The following SLC22A14 variants were observed in gnomAD, a reference collection of about 807,000 sequenced individuals.
The protein encoded by SLC22A14 is organic cation transporter-like 4.
SLC22A14 carries 50 observed loss-of-function variants against 53.9 expected under a neutral mutation model. That is an observed-to-expected ratio of 0.93 (90% CI 0.74 to 1.17). The LOEUF (loss-of-function observed/expected upper bound fraction) is 1.17, where lower values mean the gene tolerates loss of function less well. SLC22A14 is among the 50% of genes most tolerant of loss of function. SLC22A14 has a pLI of 0.00. For synonymous variants in SLC22A14, 312 were observed against 303.0 expected (o/e 1.03, Z -0.31); for missense variants, 671 against 734.7 (o/e 0.91, Z 1.00).
intron 1 of SLC22A14, among the ~76,000 whole-genome samples, chr3:38,303,200 C>A (rs999795498): frequency 6.6e-5 from 10 of 151,812 alleles, no homozygotes; most frequent in African/African-American, 2.4e-4. Flanking sequence ...TTTGTTGATT[C>A]CCTTTCTTAT....
rs113079740 is a variant in SLC22A14, at chr3:38,316,624, C to T, written c.1733+100C>T. On this transcript the variant is annotated intron_variant, in intron 10 of 10. Transcript: ENST00000448498. ...ACATTGTCCATCCCCGCCCCTCTGC[C>T]GGAGAGCCTGTGACTCGAAGGCTGC... 2.0e-3 allele frequency: 2,202 copies of T among 1,080,232 alleles called. 37 individuals are homozygous for T. The African/African-American group carries it at 0.028, about 14-fold the overall frequency. The allele number at this position is 1,080,232 out of a possible 1,614,324, so 66.9% of individuals were successfully genotyped here.
Position 38,306,194 on chromosome 3 carries a change from G to A in SLC22A14, c.168G>A (p.Leu56=). ...AGGATGACAAGTTTGCCAACCTCCT[G>A]GATGCGGTGGGGGAGTTTGGCACAT... is the stretch of plus-strand genomic sequence containing the variant. The part of the protein sequence containing the change: ...TKQDDKFANL[L]DAVGEFGTFQ... Residue 56 remains leucine (L), a synonymous_variant, in exon 2 of 11, where the codon CTG becomes CTA. Transcript: ENST00000448498. 4 of 1,614,178 alleles carry A rather than the reference G, an allele frequency of 2.5e-6. No individual in the cohort carries two copies. Among genetic ancestry groups the A allele is most frequent in the Non-Finnish European group, 3.4e-6 (4 of 1,180,030 alleles).
intron 6 of SLC22A14, 119 bp from the exon 7 acceptor site, chr3:38,313,269 A>G: frequency 7.1e-7 from 1 of 1,413,500 alleles, no homozygotes; most frequent in Non-Finnish European, 1.0e-6. Context: ...GAACCCTGCC[A>G]GGGAAGGCCA....
chr3:38,290,344 A>T (rs1474983465), intron 1 of SLC22A14, among the ~76,000 whole-genome samples: 1 of 152,246 alleles, frequency 6.6e-6, no homozygotes, highest in Non-Finnish European at 1.5e-5. Flanking sequence ...CTAGCAGGCC[A>T]GTCCAGGGGT....
At chr3:38,309,156 G>A (rs1251402243) in intron 5 of SLC22A14, 34 bp downstream of exon 5, 3 of 1,575,648 alleles carry the variant, frequency 1.9e-6, no homozygotes, top group South Asian at 1.1e-5. Context: ...GTACAGGGCT[G>A]GGTCTGATGG....
intron 5 of SLC22A14, 62 bp downstream of exon 5, chr3:38,309,184 A>T: frequency 2.1e-6 from 3 of 1,414,418 alleles, no homozygotes; most frequent in Non-Finnish European, 3.0e-6. Flanking sequence ...GTCGATGAGT[A>T]TGGAGGGTCC....
intron 10 of SLC22A14, among the ~76,000 whole-genome samples, chr3:38,317,244 T>C (rs1411536724): frequency 6.6e-6 from 1 of 152,166 alleles, no homozygotes; most frequent in Non-Finnish European, 1.5e-5. Context: ...TCTGCCCTCC[T>C]CCCTACCATC....
In SLC22A14 at chr3:38,313,369, G is replaced by A. The variant is rs1028661167; in HGVS notation, c.1066-19G>A. 1.3e-6 allele frequency: 2 copies of A among 1,593,846 alleles called. No individual in the cohort carries two copies. Among genetic ancestry groups the A allele is most frequent in the Non-Finnish European group, 1.7e-6 (2 of 1,162,222 alleles). On this transcript the variant is annotated intron_variant, in intron 6 of 10. Transcript: ENST00000448498. ...TGGGGTCTTGGCCCTGCCTCTGACT[G>A]GTCCTGCTTGTTCTGTAGCTGCAGC...
chr3:38,299,593 C>T (rs1472247353), intron 1 of SLC22A14, among the ~76,000 whole-genome samples: 1 of 152,206 alleles, frequency 6.6e-6, no homozygotes, highest in African/African-American at 2.4e-5. Context: ...GAGATAGTCT[C>T]ACCCTATCGC....
chr3:38,286,725 GT>G (rs36097881), intron 1 of SLC22A14, among the ~76,000 whole-genome samples: 34,312 of 137,538 alleles, frequency 0.25, 4,491 homozygotes, highest in African/African-American at 0.39. Context: ...ATTTGTGTGG[GT>G]TTTTTTTTTG....
chr3:38,288,438 G>C (rs954388860), intron 1 of SLC22A14, among the ~76,000 whole-genome samples: 3 of 152,160 alleles, frequency 2.0e-5, no homozygotes, highest in Non-Finnish European at 4.4e-5. Flanking sequence ...ATTCTTTTGT[G>C]TATGTACCCA....
At chr3:38,281,565 A>T (rs992101778), upstream of SLC22A14, among the ~76,000 whole-genome samples, 1 of 152,320 alleles carries the variant, frequency 6.6e-6, no homozygotes, top group Non-Finnish European at 1.5e-5. Context: ...CACCAGTCCC[A>T]TTCTCATAAC....
chr3:38,306,619 G>A, intron 2 of SLC22A14, 77 bp downstream of exon 2: 1 of 1,396,486 alleles, frequency 7.2e-7, no homozygotes, highest in East Asian at 2.3e-5. Flanking sequence ...GAATGGGTGG[G>A]GAAACCGAAG....
chr3:38,312,935 AG>A (rs1704509283), intron 5 of SLC22A14, 63 bp from the exon 6 acceptor site: 5 of 1,554,058 alleles, frequency 3.2e-6, no homozygotes, highest in Non-Finnish European at 4.4e-6. Context: ...AGGCCACGAG[AG>A]GGCCAGCAGG....
Position 38,306,222 on chromosome 3 carries a change from C to T in SLC22A14, c.196C>T (p.Gln66Ter), listed in dbSNP as rs1349716393. ...LDAVGEFGTF[Q>*]QRLVALTFIP... ...TGCGGTGGGGGAGTTTGGCACATTC[C>T]AGCAGAGGCTAGTAGCCCTCACCTT... Residue 66 changes from glutamine (Q) to a stop codon, truncating the protein, a stop_gained, in exon 2 of 11, where the codon CAG becomes TAG. Coordinates refer to ENST00000448498, the MANE Select transcript of SLC22A14 (RefSeq NM_001320033.2). LOFTEE classifies it high-confidence loss of function. 6.2e-7 allele frequency: 1 copy of T among 1,614,148 alleles called. No individual in the cohort carries two copies.
intron 1 of SLC22A14, among the ~76,000 whole-genome samples, chr3:38,291,105 G>A (rs1332833430): frequency 6.6e-6 from 1 of 152,116 alleles, no homozygotes. Flanking sequence ...CCTAATTTTA[G>A]TGCCAAAGTG....
chr3:38,306,439 C>G lies in SLC22A14; in HGVS notation c.413C>G (p.Pro138Arg), dbSNP rs781710319. The change falls in exon 2 of 11, where the codon CCT (proline) becomes CGT (arginine). Residue 138 changes from proline to arginine, a missense_variant. Transcript: ENST00000448498. ...ACATGCTTCATGTACCTTCCTGTGC[C>G]TTGGAATCTGGATTCTATCATCCAG... The part of the protein sequence containing the change: ...FLTCFMYLPV[P>R]WNLDSIIQFG... The G allele has an allele frequency of 3.1e-6, 5 of 1,614,234 alleles. 1 individual carries two copies. The highest frequency in any genetic ancestry group is 1.6e-4 in the Middle Eastern group (1 of 6,062).
chr3:38,316,288 C>T, intron 9 of SLC22A14, 36 bp from the exon 10 acceptor site: 2 of 1,601,412 alleles, frequency 1.2e-6, no homozygotes, highest in South Asian at 2.2e-5. Context: ...CTGAACCCGG[C>T]AGACCCCTCA....
Position 38,315,656 on chromosome 3 carries a change from G to A in SLC22A14, c.1477G>A (p.Ala493Thr), listed in dbSNP as rs139407793. Residue 493 changes from alanine (A) to threonine (T), a missense_variant, in exon 9 of 11, where the codon GCC (alanine) becomes ACC (threonine). Transcript: ENST00000448498. Reference protein sequence around the residue: ...VLMLREFSLAATVTVFFLYTA... With the variant: ...VLMLREFSLATTVTVFFLYTA... ...CATGCTCAGAGAGTTCAGCCTGGCC[G>A]CCACTGTCACTGTGTTCTTCCTCTA... 96 of 1,614,022 alleles carry A rather than the reference G, an allele frequency of 5.9e-5. No homozygotes were observed. The highest frequency in any genetic ancestry group is 2.5e-4 in the Admixed American group (15 of 60,016).
Sources: gnomAD v4.1 joint callset for allele counts (sites outside exome capture counted in the v4.1 genomes callset) on GRCh38, gnomAD v4.1.1 for gene constraint, MANE v1.5 for transcripts, NCBI Gene and HGNC (gene_info 2026-07-23, HGNC 2026-07-21) for gene names.